Variants in EXD3 observed in about 807,000 individuals in gnomAD.
The protein encoded by EXD3 is exonuclease 3'-5' domain containing 3.
EXD3 carries 92 observed loss-of-function variants against 98.0 expected under a neutral mutation model. That is an observed-to-expected ratio of 0.94 (90% CI 0.79 to 1.12). The LOEUF (loss-of-function observed/expected upper bound fraction) is 1.12, where lower values mean the gene tolerates loss of function less well. Ranked by LOEUF, EXD3 falls within the 50% of genes most tolerant of loss-of-function variation. EXD3 has a pLI of 0.00. For missense variants in EXD3, 1,222 were observed against 1,191.6 expected, an observed-to-expected ratio of 1.03 and a Z score of -0.38; for synonymous variants, 569 against 526.0, an observed-to-expected ratio of 1.08 and a Z score of -1.12.
intron 17 of EXD3, among the ~76,000 whole-genome samples, chr9:137,340,650 C>T (rs2119181130): frequency 6.6e-6 from 1 of 152,070 alleles, no homozygotes; most frequent in South Asian, 2.1e-4. Flanking sequence ...ACCTCGGTCC[C>T]CCAGGTGGCC....
Position 137,403,543 on chromosome 9 carries a change from C to A in EXD3, c.-47-8139G>T, listed in dbSNP as rs542093641. Among the ~76,000 whole-genome samples, 1 of 152,242 alleles carries A rather than the reference C, an allele frequency of 6.6e-6. No homozygotes were observed. The highest frequency in any genetic ancestry group is 2.4e-5 in the African/African-American group (1 of 41,560). On this transcript the variant is annotated intron_variant, in intron 1 of 21. Transcript: ENST00000340951. The surrounding 1 kb of genome is among the most constrained non-coding windows in gnomAD (Gnocchi z 6.1). ...GTTTCAGCCCTCCAGACGCCCGTAC[C>A]CAGGAAACCTGGGCCTCCATTCCCG...
At chr9:137,354,564 C>T in intron 9 of EXD3, 136 bp downstream of exon 9, 1 of 1,539,982 alleles carries the variant, frequency 6.5e-7, no homozygotes, top group Non-Finnish European at 8.7e-7. Flanking sequence ...TGGCCCAGCT[C>T]ACCCAGCTCT....
chr9:137,338,719 T>C (rs1465155101), intron 17 of EXD3, among the ~76,000 whole-genome samples: 4 of 139,474 alleles, frequency 2.9e-5, no homozygotes, highest in African/African-American at 1.1e-4. Flanking sequence ...ACCCCGTCTC[T>C]ACTAAAAATA....
In EXD3 at chr9:137,323,898, C is replaced by G. The variant is rs1177779100; in HGVS notation, c.2053-42G>C. 5 of 1,569,130 alleles carry G rather than the reference C, an allele frequency of 3.2e-6. No individual in the cohort carries two copies. In the South Asian group the frequency reaches 5.8e-5, roughly 18 times the overall value. ...CGGCTACTGAGGGGCAGTGCAGAGC[C>G]CAGCACCTGCCCAGGCCCAGCCCGC... On this transcript the variant is annotated intron_variant, in intron 18 of 21. Coordinates refer to ENST00000340951, the MANE Select transcript of EXD3 (RefSeq NM_017820.5).
rs369151283 is a variant in EXD3 at position 137,349,575 on chromosome 9, G to A, written c.1495-44C>T. 1.9e-5 allele frequency: 28 copies of A among 1,497,826 alleles called. No individual in the cohort carries two copies. Among genetic ancestry groups the A allele is most frequent in the East Asian group, 4.8e-5 (2 of 42,082 alleles). The allele number at this position is 1,497,826 out of a possible 1,614,324, so 92.8% of individuals were successfully genotyped here. ...GCAGGGTAACGCGTCTGGCCCTGGC[G>A]GCAGCACAGTCACCGTGCCCACTCA... is the stretch of plus-strand genomic sequence containing the variant. On this transcript the variant is annotated intron_variant, in intron 14 of 21. Coordinates refer to ENST00000340951, the MANE Select transcript of EXD3 (RefSeq NM_017820.5). This position sits in a 1 kb window ranked among gnomAD's most constrained non-coding sequence, Gnocchi z 7.4.
chr9:137,354,786 G>T lies in EXD3; in HGVS notation c.758-13C>A. ...TTGGGACACAGCGCTGAAAGGAAAG[G>T]CCAGCTCAGCACTGAGGGCTCAGGG... is the stretch of plus-strand genomic sequence containing the variant. On this transcript the variant is annotated splice_polypyrimidine_tract_variant and intron_variant, in intron 8 of 21. Transcript: ENST00000340951. 4 of 1,607,268 alleles carry T rather than the reference G, an allele frequency of 2.5e-6. No homozygotes were observed. The highest frequency in any genetic ancestry group is 3.4e-6 in the Non-Finnish European group (4 of 1,178,788).
At chr9:137,378,539 C>T (rs28558074) in intron 3 of EXD3, among the ~76,000 whole-genome samples, 2 of 152,066 alleles carry the variant, frequency 1.3e-5, no homozygotes, top group Non-Finnish European at 2.9e-5. Flanking sequence ...CAGGGGCTCA[C>T]GCAGATGTTT....
intron 3 of EXD3, among the ~76,000 whole-genome samples, chr9:137,382,944 G>A (rs1199060319): frequency 6.6e-6 from 1 of 152,216 alleles, no homozygotes; most frequent in African/African-American, 2.4e-5. Context: ...CCCTGTCCTG[G>A]ACACCTGCCC....
chr9:137,403,507 GC>G lies in EXD3; in HGVS notation c.-47-8104del, dbSNP rs1326886176. Among the ~76,000 whole-genome samples the G allele has an allele frequency of 6.6e-6, 1 of 152,018 alleles. No homozygotes were observed. Among genetic ancestry groups the G allele is most frequent in the Non-Finnish European group, 1.5e-5 (1 of 68,000 alleles). On this transcript the variant is annotated intron_variant, in intron 1 of 21. Transcript: ENST00000340951. The surrounding 1 kb of genome is among the most constrained non-coding windows in gnomAD (Gnocchi z 6.1). ...GGTCTGGCAGCACCCCATGAAGGCCGCCCCAGGTCCGTTTCAGCCCTCCAGA... is the reference window on the plus strand; with the variant it reads ...GGTCTGGCAGCACCCCATGAAGGCCGCCCAGGTCCGTTTCAGCCCTCCAGA...
chr9:137,398,845 T>C (rs1483486655), intron 1 of EXD3, among the ~76,000 whole-genome samples: 5 of 136,796 alleles, frequency 3.7e-5, no homozygotes, highest in African/African-American at 1.4e-4. Flanking sequence ...TGCACCCGCA[T>C]CCCCAAGACA....
intron 1 of EXD3, among the ~76,000 whole-genome samples, chr9:137,401,341 G>A (rs1263563606): frequency 6.6e-6 from 1 of 152,028 alleles, no homozygotes; most frequent in Non-Finnish European, 1.5e-5. Flanking sequence ...ATTTTTAGTA[G>A]AGACGGGGTT....
chr9:137,366,112 C>T, intron 7 of EXD3: 1 of 695,878 alleles, frequency 1.4e-6, no homozygotes, highest in Non-Finnish European at 2.6e-6. Context: ...GCTGCCTTTT[C>T]TCTGTAATTG....
chr9:137,399,510 C>G (rs1431648803), intron 1 of EXD3, among the ~76,000 whole-genome samples: 1 of 152,200 alleles, frequency 6.6e-6, no homozygotes, highest in Non-Finnish European at 1.5e-5. Flanking sequence ...TCTGCTATCA[C>G]AAATTTAATA....
intron 19 of EXD3, among the ~76,000 whole-genome samples, chr9:137,320,634 G>A (rs1278760944): frequency 6.6e-6 from 1 of 152,070 alleles, no homozygotes; most frequent in African/African-American, 2.4e-5. Context: ...AGCCCCCGAC[G>A]CCCCCATCCC....
rs1448022397 is a variant in EXD3, at chr9:137,340,453, G to A, written c.1998+7618C>T. Among the ~76,000 whole-genome samples the A allele has an allele frequency of 4.0e-5, 6 of 151,676 alleles. No homozygotes were observed. In the East Asian group the frequency reaches 1.2e-3, roughly 29 times the overall value. On this transcript the variant is annotated intron_variant, in intron 17 of 21. Transcript: ENST00000340951. ...GATCACATCACTGCACTCCAGCCTGGGCAACACAGTGAGACTCCATCTCAA... is the reference window on the plus strand; with the variant it reads ...GATCACATCACTGCACTCCAGCCTGAGCAACACAGTGAGACTCCATCTCAA...
chr9:137,399,016 C>G (rs745743645), intron 1 of EXD3, among the ~76,000 whole-genome samples: 1 of 152,134 alleles, frequency 6.6e-6, no homozygotes, highest in Admixed American at 6.5e-5. Flanking sequence ...CCTCGTAACA[C>G]GTGCACACCG....
chr9:137,411,330 C>G lies in EXD3; in HGVS notation c.-48+11784G>C, dbSNP rs117523643. Among the ~76,000 whole-genome samples, 30 of 152,260 alleles carry G rather than the reference C, an allele frequency of 2.0e-4. 1 individual carries two copies. In the East Asian group the frequency reaches 5.8e-3, roughly 30 times the overall value. On this transcript the variant is annotated intron_variant, in intron 1 of 21. Coordinates refer to ENST00000340951, the MANE Select transcript of EXD3 (RefSeq NM_017820.5). ...GGCACAGCTGCCCCCGAGCCCTGGG[C>G]ATGGGGCTTGCTCCGGAGATGGGCT...
chr9:137,372,942 TG>T lies in EXD3; in HGVS notation c.424del (p.His142ThrfsTer21), dbSNP rs1156361319. ...QDADRSCLLA[H>X]VHRLHHEGRF... ...GCCCTCGTGGTGGAGGCGGTGGACG[TG>T]TGCCAGCAGGCAGCTCCTGTCTGCA... On this transcript the variant is annotated frameshift_variant, in exon 5 of 22. Transcript: ENST00000340951. LOFTEE classifies it high-confidence loss of function. The T allele has an allele frequency of 6.2e-7, 1 of 1,601,432 alleles. No individual in the cohort carries two copies. Among genetic ancestry groups the T allele is most frequent in the South Asian group, 1.1e-5 (1 of 91,056 alleles).
intron 17 of EXD3, among the ~76,000 whole-genome samples, chr9:137,333,892 C>G (rs1187448151): frequency 2.6e-5 from 4 of 151,902 alleles, no homozygotes; most frequent in African/African-American, 9.7e-5. Context: ...GGCTGGAGTA[C>G]AGTGCAGTGA....
Sources: allele counts gnomAD v4.1 joint callset (sites outside exome capture counted in the v4.1 genomes callset), GRCh38; gene constraint gnomAD v4.1.1; non-coding constraint Gnocchi (gnomAD v3.1); transcripts MANE v1.5; gene names NCBI Gene and HGNC (gene_info 2026-07-23, HGNC 2026-07-21).